The following DNAAF6 variants were observed in gnomAD, a reference collection of about 807,000 sequenced individuals.
DNAAF6 encodes the protein dynein axonemal assembly factor 6.
In DNAAF6, 3 loss-of-function variants were observed where a neutral mutation model predicts 13.7. The ratio of observed to expected loss-of-function variants is 0.22; its 90% CI spans 0.10 to 0.56. The LOEUF is 0.56. Ranked by LOEUF, DNAAF6 falls within the 20% of genes least tolerant of loss-of-function variation. DNAAF6 has a pLI of 0.92. For synonymous variants in DNAAF6, 54 were observed against 49.2 expected (o/e 1.10, Z -0.41); for missense variants, 130 against 151.0 (o/e 0.86, Z 0.73).
chrX:107,243,355 T>C lies in DNAAF6; in HGVS notation c.*57T>C. 1 of 1,146,720 alleles carries C rather than the reference T, an allele frequency of 8.7e-7. No homozygotes were observed. The highest frequency in any genetic ancestry group is 1.2e-6 in the Non-Finnish European group (1 of 860,144). The allele number at this position is 1,146,720 out of a possible 1,213,427, so 94.5% of individuals were successfully genotyped here. On this transcript the variant is annotated 3_prime_UTR_variant, in exon 7 of 7. Coordinates refer to ENST00000372453, the MANE Select transcript of DNAAF6 (RefSeq NM_173494.2). The stretch of plus-strand genomic sequence containing the variant: ...TGGCATTGGTAACAATTAAAAAACT[T>C]TGAAAAAAATGATTGTTTTCTATAT...
intron 5 of DNAAF6, among the ~76,000 whole-genome samples, chrX:107,232,675 A>G (rs1928432365): frequency 9.0e-6 from 1 of 111,707 alleles, no homozygotes; most frequent in Admixed American, 9.5e-5. Flanking sequence ...TAAGAAGGCA[A>G]TATTTGAGCA....
At chrX:107,242,197 G>T (rs1357766275) in intron 6 of DNAAF6, among the ~76,000 whole-genome samples, 2 of 111,535 alleles carry the variant, frequency 1.8e-5, no homozygotes, top group Admixed American at 1.9e-4. Context: ...TATCCTTCAG[G>T]TTCCATAAAT....
intron 3 of DNAAF6, among the ~76,000 whole-genome samples, chrX:107,218,340 T>C (rs763740463): frequency 8.9e-6 from 1 of 112,311 alleles, no homozygotes; most frequent in African/African-American, 3.2e-5. Flanking sequence ...TATTGAGAAT[T>C]ATGTCATGCT....
At chrX:107,213,729 A>T (rs1275210543) in intron 2 of DNAAF6, among the ~76,000 whole-genome samples, 5 of 111,465 alleles carry the variant, frequency 4.5e-5, no homozygotes, top group African/African-American at 1.6e-4. Context: ...CCTGCTCTCC[A>T]TTCTCCTATT....
chrX:107,224,282 A>G lies in DNAAF6; in HGVS notation c.429+1441A>G, dbSNP rs772317386. ...AATAGAAGTTCAGAAGGTTGGGATA[A>G]GTCATGGACACCACTGAAAGGCAGC... On this transcript the variant is annotated intron_variant, in intron 5 of 6. Coordinates refer to ENST00000372453, the MANE Select transcript of DNAAF6 (RefSeq NM_173494.2). Among the ~76,000 whole-genome samples the G allele has an allele frequency of 3.6e-5, 4 of 111,887 alleles. No individual in the cohort carries two copies. The South Asian group carries it at 1.5e-3, about 42-fold the overall frequency.
chrX:107,207,357 G>C (rs1927732248), intron 1 of DNAAF6: 1 of 111,723 alleles, frequency 9.0e-6, no homozygotes, highest in Non-Finnish European at 1.9e-5. Context: ...TGGTGGGCCC[G>C]AGTGTACTGT....
At chrX:107,218,308 T>C (rs1183049021) in intron 3 of DNAAF6, among the ~76,000 whole-genome samples, 2 of 111,941 alleles carry the variant, frequency 1.8e-5, no homozygotes, top group Non-Finnish European at 3.8e-5. Flanking sequence ...TATCCACTGC[T>C]TTCAGTTTCT....
intron 5 of DNAAF6, among the ~76,000 whole-genome samples, chrX:107,235,762 T>A (rs1928498881): frequency 9.3e-6 from 1 of 107,771 alleles, no homozygotes; most frequent in Non-Finnish European, 1.9e-5. Context: ...AAATGTTTAT[T>A]GTTGTTTTGA....
chrX:107,231,481 G>C (rs1928395672), intron 5 of DNAAF6, among the ~76,000 whole-genome samples: 1 of 112,108 alleles, frequency 8.9e-6, no homozygotes, highest in Non-Finnish European at 1.9e-5. Flanking sequence ...GATTTTAAGA[G>C]TTCTAAGCAA....
chrX:107,237,242 T>C (rs754944253), intron 5 of DNAAF6, among the ~76,000 whole-genome samples: 45 of 112,428 alleles, frequency 4.0e-4, no homozygotes, highest in Non-Finnish European at 7.1e-4. Flanking sequence ...ATTATTTATT[T>C]GATATGTATT....
intron 5 of DNAAF6, among the ~76,000 whole-genome samples, chrX:107,229,127 CTTTTTTTTTT>C (rs768372176): frequency 7.9e-4 from 41 of 51,596 alleles, no homozygotes; most frequent in African/African-American, 3.9e-3. Flanking sequence ...GTTGACTACT[CTTTTTTTTTT>C]TTTTTTTTTT....
At chrX:107,242,886 T>A (rs1928652885) in intron 6 of DNAAF6, among the ~76,000 whole-genome samples, 1 of 111,836 alleles carries the variant, frequency 8.9e-6, no homozygotes, top group Non-Finnish European at 1.9e-5. Context: ...AGTTGCATAG[T>A]TCTATTTCTA....
At chrX:107,214,819 T>C (rs1273266854) in intron 2 of DNAAF6, among the ~76,000 whole-genome samples, 1 of 111,997 alleles carries the variant, frequency 8.9e-6, no homozygotes, top group Non-Finnish European at 1.9e-5. Context: ...TGATGTGTTT[T>C]TGAAAATATG....
At chrX:107,217,364 A>G (rs1259220250) in intron 3 of DNAAF6, among the ~76,000 whole-genome samples, 1 of 111,923 alleles carries the variant, frequency 8.9e-6, no homozygotes, top group Non-Finnish European at 1.9e-5. Flanking sequence ...ATTGTTTAAT[A>G]AATATTTATT....
intron 6 of DNAAF6, among the ~76,000 whole-genome samples, chrX:107,240,911 T>TAA (rs1208307231): frequency 2.7e-5 from 3 of 111,797 alleles, no homozygotes; most frequent in Non-Finnish European, 5.7e-5. Context: ...AGTGCTGCTT[T>TAA]AGATTACTCA....
At chrX:107,231,099 TA>T in intron 5 of DNAAF6, among the ~76,000 whole-genome samples, 1 of 111,436 alleles carries the variant, frequency 9.0e-6, no homozygotes, top group Admixed American at 9.6e-5. Context: ...TTTTAAAAAT[TA>T]AAAAAATATG....
chrX:107,212,015 C>T (rs902028199), intron 1 of DNAAF6, among the ~76,000 whole-genome samples: 5 of 111,718 alleles, frequency 4.5e-5, no homozygotes, highest in African/African-American at 1.6e-4. Flanking sequence ...AGTCATGCTT[C>T]ATTTGGTATT....
chrX:107,238,907 C>T lies in DNAAF6; in HGVS notation c.430-15C>T, dbSNP rs1928572890. On this transcript the variant is annotated splice_polypyrimidine_tract_variant and intron_variant, in intron 5 of 6. Transcript: ENST00000372453. ...TCCAAGATATCACTATTTTTCTTCTCATTTTCTCTTTCAGGCTAAAATTAA... is the reference window on the plus strand; with the variant it reads ...TCCAAGATATCACTATTTTTCTTCTTATTTTCTCTTTCAGGCTAAAATTAA... 2 of 1,204,772 alleles carry T rather than the reference C, an allele frequency of 1.7e-6. No individual in the cohort carries two copies. Among genetic ancestry groups the T allele is most frequent in the Admixed American group, 2.3e-5 (1 of 44,132 alleles).
rs776744077 is a variant in DNAAF6, at chrX:107,215,398, T to C, written c.154-1273T>C. On this transcript the variant is annotated intron_variant, in intron 2 of 6. Transcript: ENST00000372453. ...TTTACTCTGACTATTAGTGTTCTGA[T>C]GATTAATAATTTAAGAAAAGTACTA... Among the ~76,000 whole-genome samples the C allele has an allele frequency of 1.8e-4, 20 of 111,049 alleles. No homozygotes were observed. The South Asian group carries it at 4.2e-3, about 23-fold the overall frequency.
Sources: gnomAD v4.1 joint callset for allele counts (sites outside exome capture counted in the v4.1 genomes callset) on GRCh38, gnomAD v4.1.1 for gene constraint, MANE v1.5 for transcripts, NCBI Gene and HGNC (gene_info 2026-07-23, HGNC 2026-07-21) for gene names.